BLTP1: variants seen among roughly 807,000 people sequenced by gnomAD.
The protein encoded by BLTP1 is fragile site-associated protein.
At chr4:122,291,942 T>G in the BLTP1 span, 2 of 337,230 alleles carry the variant, frequency 5.9e-6, no homozygotes, top group Non-Finnish European at 8.4e-6. Context: ...AATAGGCCTT[T>G]AAGGTGTGCT....
At chr4:122,185,149 A>G in the BLTP1 span, 3 of 983,548 alleles carry the variant, frequency 3.1e-6, no homozygotes, top group South Asian at 9.4e-5. Flanking sequence ...TATAAATTAC[A>G]GTAGATTACT....
the BLTP1 span, chr4:122,307,718 T>G: frequency 4.1e-6 from 4 of 985,312 alleles, no homozygotes; most frequent in South Asian, 4.7e-5. Context: ...CTGGATTTTC[T>G]TCTTCCTTGT....
At chr4:122,255,243 TGCACCAG>T in the BLTP1 span, 1 of 1,611,432 alleles carries the variant, frequency 6.2e-7, no homozygotes, top group Non-Finnish European at 8.5e-7. Context: ...CACCACTATC[TGCACCAG>T]GCAAATTACT....
the BLTP1 span, among the ~76,000 whole-genome samples, chr4:122,241,215 G>C: frequency 6.6e-6 from 1 of 152,116 alleles, no homozygotes; most frequent in African/African-American, 2.4e-5. Context: ...AGGACCTAGG[G>C]GCACTGCATT....
chr4:122,319,769 T>G, the BLTP1 span, among the ~76,000 whole-genome samples: 3 of 151,954 alleles, frequency 2.0e-5, no homozygotes, highest in Non-Finnish European at 2.9e-5. Context: ...TTGAATGTCT[T>G]ACCTCGTGAT....
At chr4:122,356,052 G>A in the BLTP1 span, 1 of 1,221,416 alleles carries the variant, frequency 8.2e-7, no homozygotes, top group Non-Finnish European at 1.1e-6. Context: ...AACTACTGCT[G>A]TGTTCCCATG....
At chr4:122,155,324 AT>A in the BLTP1 span, among the ~76,000 whole-genome samples, 12,586 of 141,562 alleles carry the variant, frequency 0.089, 506 homozygotes, top group African/African-American at 0.11. Context: ...GGAAGCTAGG[AT>A]TTTTTTTTTT....
At chr4:122,200,167 CTA>C in the BLTP1 span, 1 of 906,414 alleles carries the variant, frequency 1.1e-6, no homozygotes, top group Non-Finnish European at 1.3e-6. Context: ...ATATAAAATA[CTA>C]TAAATATACC....
chr4:122,272,124 G>A, the BLTP1 span: 94 of 1,584,368 alleles, frequency 5.9e-5, 2 homozygotes, highest in Middle Eastern at 1.2e-3. Context: ...TTCAGTCTTC[G>A]TATCTAAAAT....
the BLTP1 span, among the ~76,000 whole-genome samples, chr4:122,321,045 G>A: frequency 2.8e-5 from 4 of 144,040 alleles, no homozygotes; most frequent in South Asian, 2.2e-4. Context: ...GATTCTTCTC[G>A]GCTTATGATT....
the BLTP1 span, among the ~76,000 whole-genome samples, chr4:122,227,910 A>G: frequency 2.2e-5 from 3 of 139,128 alleles, no homozygotes; most frequent in Admixed American, 7.3e-5. Flanking sequence ...TTTATGTTGC[A>G]TTAAAATTTT....
At chr4:122,281,449 A>G in the BLTP1 span, 20 of 1,430,430 alleles carry the variant, frequency 1.4e-5, no homozygotes, top group Admixed American at 2.2e-4. Context: ...TATATTTGCT[A>G]TTTTTCACTG....
At chr4:122,224,476 G>T in the BLTP1 span, 3 of 1,600,726 alleles carry the variant, frequency 1.9e-6, no homozygotes, top group Admixed American at 5.1e-5. Context: ...ACATTTTACA[G>T]TCTCATCATT....
chr4:122,349,249 T>C, the BLTP1 span: 1 of 1,613,640 alleles, frequency 6.2e-7, no homozygotes, highest in East Asian at 2.2e-5. This position sits in a 1 kb window ranked among gnomAD's most constrained non-coding sequence, Gnocchi z 4.5. Context: ...TCTGGGAAGA[T>C]CACAATTAGA....
the BLTP1 span, among the ~76,000 whole-genome samples, chr4:122,171,285 TGAATGAATGAGTGA>T: frequency 2.0e-5 from 3 of 151,926 alleles, no homozygotes; most frequent in Non-Finnish European, 4.4e-5. Context: ...GAAATATGAG[TGAATGAATGAGTGA>T]ATATGAATGA....
chr4:122,255,348 C>A, the BLTP1 span: 1 of 1,158,112 alleles, frequency 8.6e-7, no homozygotes, highest in Non-Finnish European at 1.3e-6. Context: ...CACTGATACA[C>A]AGGGTTTGAG....
At chr4:122,259,127 A>G in the BLTP1 span, among the ~76,000 whole-genome samples, 1 of 152,206 alleles carries the variant, frequency 6.6e-6, no homozygotes, top group Non-Finnish European at 1.5e-5. Flanking sequence ...TGATAATCTT[A>G]TAATTATCAG....
At chr4:122,174,224 G>A in the BLTP1 span, 1 of 985,274 alleles carries the variant, frequency 1.0e-6, no homozygotes, top group South Asian at 4.7e-5. Flanking sequence ...GCAATGGCTG[G>A]TTCCTGCAGT....
chr4:122,246,156 C>T, the BLTP1 span: 2 of 1,570,868 alleles, frequency 1.3e-6, no homozygotes, highest in Non-Finnish European at 1.7e-6. Context: ...TTTTAGTTAT[C>T]TTCCAAACAA....
Sources: gnomAD v4.1 joint callset for allele counts (sites outside exome capture counted in the v4.1 genomes callset) on GRCh38, gnomAD v4.1.1 for gene constraint, Gnocchi (gnomAD v3.1) non-coding constraint, MANE v1.5 for transcripts, NCBI Gene and HGNC (gene_info 2026-07-23, HGNC 2026-07-21) for gene names.